Variants in BOC observed in about 807,000 individuals in gnomAD.
BOC encodes BOC cell adhesion associated, oncogene regulated.
Under a neutral mutation model 112.0 loss-of-function variants are expected in BOC, and 76 were observed. The observed-to-expected ratio is 0.68, with a 90% confidence interval of 0.56 to 0.82. The LOEUF (loss-of-function observed/expected upper bound fraction) is 0.82, where lower values mean the gene tolerates loss of function less well. Among genes scored for constraint, BOC ranks in the 40% least tolerant of loss-of-function variants. BOC has a pLI of 0.00. For missense variants in BOC, 1,309 were observed against 1,511.7 expected (o/e 0.87, Z 2.22); for synonymous variants, 580 against 599.8 (o/e 0.97, Z 0.48).
chr3:113,249,110 G>T (rs1559838049), intron 2 of BOC, among the ~76,000 whole-genome samples: 1 of 152,088 alleles, frequency 6.6e-6, no homozygotes, highest in Non-Finnish European at 1.5e-5. Flanking sequence ...GTGATTGCAG[G>T]AATAAAAGGG....
chr3:113,239,065 G>A (rs1270366183), intron 2 of BOC, among the ~76,000 whole-genome samples: 1 of 152,196 alleles, frequency 6.6e-6, no homozygotes, highest in Non-Finnish European at 1.5e-5. Flanking sequence ...AATTGAATGT[G>A]CAGTAAATAC....
intron 2 of BOC, among the ~76,000 whole-genome samples, chr3:113,223,912 G>A (rs768757079): frequency 1.3e-5 from 2 of 152,236 alleles, no homozygotes; most frequent in African/African-American, 2.4e-5. Flanking sequence ...CACTGAGCAT[G>A]CCGGCCCTGG....
chr3:113,215,303 G>A (rs1343561049), intron 1 of BOC, among the ~76,000 whole-genome samples: 1 of 152,114 alleles, frequency 6.6e-6, no homozygotes, highest in Non-Finnish European at 1.5e-5. Context: ...GGTTGGTAAC[G>A]GATAGAGAAG....
rs1412325683 is a variant in BOC at position 113,273,243 on chromosome 3, T to A, written c.1136T>A (p.Leu379His). 1 of 1,613,422 alleles carries A rather than the reference T, an allele frequency of 6.2e-7. No homozygotes were observed. The highest frequency in any genetic ancestry group is 2.2e-5 in the East Asian group (1 of 44,846). ...LRLSRRALRV[L>H]SMGPEDEGVY... ...CTCTCCCGCAGGGCCCTGCGCGTGC[T>A]CAGCATGGGGCCTGAGGACGAAGGC... is the stretch of plus-strand genomic sequence containing the variant. Residue 379 changes from leucine to histidine, a missense_variant, in exon 8 of 20, where the codon CTC becomes CAC. By Grantham distance (99) the Leu-to-His change is moderately conservative. Transcript: ENST00000682979.
intron 2 of BOC, among the ~76,000 whole-genome samples, chr3:113,234,542 G>C (rs1340828874): frequency 6.6e-6 from 1 of 152,196 alleles, no homozygotes; most frequent in Non-Finnish European, 1.5e-5. Context: ...ATAATAGAAA[G>C]ATGTTGTCAA....
chr3:113,231,174 G>A (rs1942552867), intron 2 of BOC, among the ~76,000 whole-genome samples: 1 of 152,190 alleles, frequency 6.6e-6, no homozygotes. Flanking sequence ...AATATCAGTG[G>A]TGGCATGAGA....
At position 113,254,620 on chromosome 3, in the gene BOC, C is replaced by T. The variant is rs114210753; in HGVS notation, c.376+3787C>T. On this transcript the variant is annotated intron_variant, in intron 4 of 19. Transcript: ENST00000682979. ...ATTTAGAGGAAAGACTGGGCAGCGG[C>T]GTGCCGGTGCACACGCATGCACACC... 1.0e-2 allele frequency among the ~76,000 whole-genome samples: 1,523 copies of T among 152,332 alleles called. 26 individuals are homozygous for T. The highest frequency in any genetic ancestry group is 0.015 in the South Asian group (74 of 4,830).
chr3:113,278,051 C>G lies in BOC; in HGVS notation c.1543-44C>G. The G allele has an allele frequency of 1.2e-6, 2 of 1,609,284 alleles. No individual in the cohort carries two copies. The highest frequency in any genetic ancestry group is 1.7e-6 in the Non-Finnish European group (2 of 1,176,526). ...TTTGTAAACCATAGCCCACTCGTAGCCCGAGGCTGAGATGCCGGTCTTTAT... is the reference window on the plus strand; with the variant it reads ...TTTGTAAACCATAGCCCACTCGTAGGCCGAGGCTGAGATGCCGGTCTTTAT... On this transcript the variant is annotated intron_variant, in intron 9 of 19. Transcript: ENST00000682979. This position sits in a 1 kb window ranked among gnomAD's most constrained non-coding sequence, Gnocchi z 4.2.
At chr3:113,234,654 G>T (rs1943178554) in intron 2 of BOC, among the ~76,000 whole-genome samples, 1 of 152,128 alleles carries the variant, frequency 6.6e-6, no homozygotes, top group Non-Finnish European at 1.5e-5. Flanking sequence ...GCACCTAGAG[G>T]GTGCTTACTG....
intron 4 of BOC, among the ~76,000 whole-genome samples, chr3:113,260,904 A>C (rs1946803196): frequency 6.6e-6 from 1 of 152,108 alleles, no homozygotes. Flanking sequence ...TCCCAAAACC[A>C]TCCCCCCCAG....
intron 4 of BOC, among the ~76,000 whole-genome samples, chr3:113,256,382 A>G (rs1343299394): frequency 2.0e-5 from 3 of 152,210 alleles, no homozygotes; most frequent in Non-Finnish European, 4.4e-5. Context: ...AGCCGCCTTC[A>G]GGAGCAGCCA....
intron 4 of BOC, among the ~76,000 whole-genome samples, chr3:113,265,348 AAAG>A (rs1298603258): frequency 1.5e-4 from 23 of 152,178 alleles, no homozygotes; most frequent in African/African-American, 4.8e-4. Flanking sequence ...GAGGTGAAGA[AAAG>A]GAGGAGGAAA....
chr3:113,215,241 G>A (rs1024366085), intron 1 of BOC, among the ~76,000 whole-genome samples: 4 of 152,206 alleles, frequency 2.6e-5, no homozygotes, highest in African/African-American at 7.2e-5. Flanking sequence ...CTATAAACCC[G>A]TGTTTATGAA....
chr3:113,286,891 A>T lies in BOC; in HGVS notation c.*29A>T, dbSNP rs753785048. 1 of 1,505,920 alleles carries T rather than the reference A, an allele frequency of 6.6e-7. No individual in the cohort carries two copies. Among genetic ancestry groups the T allele is most frequent in the Non-Finnish European group, 8.9e-7 (1 of 1,128,152 alleles). The allele number at this position is 1,505,920 out of a possible 1,614,324, so 93.3% of individuals were successfully genotyped here. ...GAAGCTGATATCCCAGAAAGACTAT[A>T]TATTGTTTTTTTTTTAAAAAAAAAA... On this transcript the variant is annotated 3_prime_UTR_variant, in exon 20 of 20. Transcript: ENST00000682979.
intron 2 of BOC, among the ~76,000 whole-genome samples, chr3:113,235,095 T>A (rs1174392770): frequency 6.6e-6 from 1 of 152,246 alleles, no homozygotes; most frequent in East Asian, 1.9e-4. Flanking sequence ...AAGATCTGCT[T>A]TAAGTGCTGT....
At chr3:113,270,691 GTGCC>G in intron 5 of BOC, 106 bp from the exon 6 acceptor site, 1 of 1,310,822 alleles carries the variant, frequency 7.6e-7, no homozygotes, top group Non-Finnish European at 1.0e-6. Context: ...TCAGCTCCTA[GTGCC>G]TGCCCAGCCT....
chr3:113,253,033 CATTATA>C (rs1165508176), intron 4 of BOC, among the ~76,000 whole-genome samples: 9 of 152,180 alleles, frequency 5.9e-5, no homozygotes, highest in African/African-American at 2.2e-4. Context: ...GATATTTCCA[CATTATA>C]ATTGCATTAT....
At chr3:113,243,545 A>G (rs1043357305) in intron 2 of BOC, among the ~76,000 whole-genome samples, 4 of 152,186 alleles carry the variant, frequency 2.6e-5, no homozygotes, top group Non-Finnish European at 5.9e-5. Context: ...TAAGTAGAGA[A>G]GTATGCACAT....
chr3:113,278,668 C>G lies in BOC; in HGVS notation c.1706-5C>G. 2 of 1,556,844 alleles carry G rather than the reference C, an allele frequency of 1.3e-6. No individual in the cohort carries two copies. The highest frequency in any genetic ancestry group is 1.9e-5 in the Admixed American group (1 of 51,808). ...CCTTGCTGACTACAACCCATTTCCA[C>G]CCAGGACGGCGGCCCAAACCCGAGA... On this transcript the variant is annotated splice_region_variant and splice_polypyrimidine_tract_variant and intron_variant, in intron 10 of 19. Coordinates refer to ENST00000682979, the MANE Select transcript of BOC (RefSeq NM_001378074.1). The surrounding 1 kb of genome is among the most constrained non-coding windows in gnomAD (Gnocchi z 4.2).
Sources: gnomAD v4.1 joint callset for allele counts (sites outside exome capture counted in the v4.1 genomes callset) on GRCh38, gnomAD v4.1.1 for gene constraint, Gnocchi (gnomAD v3.1) non-coding constraint, MANE v1.5 for transcripts, NCBI Gene and HGNC (gene_info 2026-07-23, HGNC 2026-07-21) for gene names.